P4HA2: variants seen among roughly 807,000 people sequenced by gnomAD.
P4HA2 encodes prolyl 4-hydroxylase subunit alpha 2.
Under a neutral mutation model 76.9 loss-of-function variants are expected in P4HA2, and 46 were observed. The ratio of observed to expected loss-of-function variants is 0.60; its 90% CI spans 0.47 to 0.76. The LOEUF is 0.76. Among genes scored for constraint, P4HA2 ranks in the 30% least tolerant of loss-of-function variants. P4HA2 has a pLI of 0.00. For missense variants in P4HA2, 583 were observed against 669.4 expected (o/e 0.87, Z 1.42); for synonymous variants, 243 against 254.0 (o/e 0.96, Z 0.41).
At chr5:132,196,573 T>C (rs1225791399) in intron 12 of P4HA2, among the ~76,000 whole-genome samples, 1 of 152,138 alleles carries the variant, frequency 6.6e-6, no homozygotes, top group Non-Finnish European at 1.5e-5. Flanking sequence ...ATCTCTCTGA[T>C]GTTTAGGCTG....
rs763236247 is a variant in P4HA2, at chr5:132,217,892, G to A, written c.83-44C>T. On this transcript the variant is annotated intron_variant, in intron 2 of 14. Coordinates refer to ENST00000360568, the MANE Select transcript of P4HA2 (RefSeq NM_001017974.2). ...AGACACCAGTGAGAAACAGATGAGGGATGTCCAGCCTCCTTCCTTGGGGCA... is the reference window on the plus strand; with the variant it reads ...AGACACCAGTGAGAAACAGATGAGGAATGTCCAGCCTCCTTCCTTGGGGCA... 3.3e-6 allele frequency: 4 copies of A among 1,203,276 alleles called. No homozygotes were observed. The South Asian group carries it at 5.2e-5, about 16-fold the overall frequency. The allele number at this position is 1,203,276 out of a possible 1,614,324, so 74.5% of individuals were successfully genotyped here.
At chr5:132,195,192 C>T (rs1750452444) in intron 13 of P4HA2, 170 bp from the exon 14 acceptor site, 1 of 638,864 alleles carries the variant, frequency 1.6e-6, no homozygotes, top group Non-Finnish European at 2.8e-6. Flanking sequence ...AAAGCACCTA[C>T]CTTTCTGAGG....
intron 1 of P4HA2, among the ~76,000 whole-genome samples, chr5:132,223,509 A>G (rs149377148): frequency 9.7e-4 from 148 of 152,226 alleles, no homozygotes; most frequent in African/African-American, 3.4e-3. Flanking sequence ...CAATCCATCC[A>G]TCTCGACCTC....
chr5:132,200,171 C>T (rs152049), intron 10 of P4HA2: 85,455 of 152,154 alleles, frequency 0.56, 24,497 homozygotes, highest in Non-Finnish European at 0.62. Flanking sequence ...CACTGCACTC[C>T]AGCCTGGGCA....
chr5:132,221,601 A>G (rs1190748335), intron 1 of P4HA2, among the ~76,000 whole-genome samples: 1 of 152,240 alleles, frequency 6.6e-6, no homozygotes, highest in Non-Finnish European at 1.5e-5. Context: ...GGAAAAATTA[A>G]TGTATATGTG....
intron 4 of P4HA2, among the ~76,000 whole-genome samples, chr5:132,215,548 G>GCTCA (rs144448968): frequency 0.019 from 2,865 of 152,290 alleles, 96 homozygotes; most frequent in African/African-American, 0.064. Context: ...GCCTGGCTGA[G>GCTCA]CTCACCAATC....
At chr5:132,217,132 C>G in intron 4 of P4HA2, 65 bp downstream of exon 4, 2 of 1,518,680 alleles carry the variant, frequency 1.3e-6, no homozygotes, top group South Asian at 2.4e-5. Context: ...GGCTCAGACA[C>G]AACAACCCAG....
Position 132,195,005 on chromosome 5 carries a change from C to T in P4HA2, c.1452G>A (p.Trp484Ter). ...IWPKKGTAVF[W>*]YNLLRSGEGD... ...CTTCCCCGCTCCGCAAGAGGTTGTACCAGAACACAGCTGTACCCTGGGAAA... is the reference window on the plus strand; with the variant it reads ...CTTCCCCGCTCCGCAAGAGGTTGTATCAGAACACAGCTGTACCCTGGGAAA... Residue 484 changes from tryptophan (W) to a stop codon, truncating the protein, a stop_gained, in exon 14 of 15, where the codon TGG becomes TGA. Transcript: ENST00000360568. LOFTEE classifies it high-confidence loss of function. 4 of 1,611,566 alleles carry T rather than the reference C, an allele frequency of 2.5e-6. No individual in the cohort carries two copies. The highest frequency in any genetic ancestry group is 3.4e-6 in the Non-Finnish European group (4 of 1,177,640).
At chr5:132,197,631 A>AG (rs1362182820) in intron 12 of P4HA2, among the ~76,000 whole-genome samples, 3 of 149,178 alleles carry the variant, frequency 2.0e-5, no homozygotes, top group African/African-American at 7.5e-5. Context: ...AAAAAAAAAA[A>AG]GAAGAAGAAG....
At position 132,217,284 on chromosome 5, in the gene P4HA2, G is replaced by A; in HGVS notation, c.244C>T (p.His82Tyr). ...SAADAEGYLA[H>Y]PVNAYKLVKR... Reference sequence around the variant, plus strand: ...ACCAGTTTGTAGGCATTCACAGGGTGAGCCAGGTAGCCCTCAGCATCAGCA... The same window carrying A: ...ACCAGTTTGTAGGCATTCACAGGGTAAGCCAGGTAGCCCTCAGCATCAGCA... Residue 82 changes from histidine to tyrosine, a missense_variant, in exon 4 of 15, where the codon CAC (histidine) becomes TAC (tyrosine). By Grantham distance (83) the His-to-Tyr change is moderately conservative (BLOSUM62 2). Transcript: ENST00000360568. 6.2e-7 allele frequency: 1 copy of A among 1,614,164 alleles called. No individual in the cohort carries two copies. Among genetic ancestry groups the A allele is most frequent in the Non-Finnish European group, 8.5e-7 (1 of 1,179,978 alleles).
chr5:132,217,261 C>T lies in P4HA2; in HGVS notation c.267G>A (p.Leu89=), dbSNP rs113860089. ...YLAHPVNAYK[L]VKRLNTDWPA... ...GCCAGTCTGTGTTTAGCCGCTTCAC[C>T]AGTTTGTAGGCATTCACAGGGTGAG... The change falls in exon 4 of 15, where the codon CTG becomes CTA. Residue 89 remains leucine, a synonymous_variant. Coordinates refer to ENST00000360568, the MANE Select transcript of P4HA2 (RefSeq NM_001017974.2). 1.2e-6 allele frequency: 2 copies of T among 1,614,064 alleles called. No homozygotes were observed.
chr5:132,194,621 C>T (rs1228696104), intron 14 of P4HA2, among the ~76,000 whole-genome samples: 1 of 152,208 alleles, frequency 6.6e-6, no homozygotes, highest in African/African-American at 2.4e-5. Context: ...GCTTCCAGCT[C>T]TCCACTCTGC....
chr5:132,215,849 TTAAAA>T (rs1300208341), intron 4 of P4HA2, among the ~76,000 whole-genome samples: 10 of 51,250 alleles, frequency 2.0e-4, no homozygotes, highest in African/African-American at 6.7e-4. Context: ...CCCTGTCCCT[TTAAAA>T]AAAAAAAAAA....
intron 3 of P4HA2, 36 bp from the exon 4 acceptor site, chr5:132,217,384 C>T: frequency 6.2e-7 from 1 of 1,609,384 alleles, no homozygotes; most frequent in Non-Finnish European, 8.5e-7. Context: ...CTAATGCGTC[C>T]ACCCACATAG....
Position 132,198,355 on chromosome 5 carries a change from G to C in P4HA2, c.1331C>G (p.Thr444Arg). Residue 444 changes from threonine (T) to arginine (R), a missense_variant, in exon 12 of 15, where the codon ACA becomes AGA. Thr to Arg is a moderately conservative substitution (Grantham distance 71, BLOSUM62 -1). Transcript: ENST00000360568. ...AAACGTCGCTAACCTATTCCCCTCTGTTTTGAGGCCGCTGTCAAAAGGTCG... is the reference window on the plus strand; with the variant it reads ...AAACGTCGCTAACCTATTCCCCTCTCTTTTGAGGCCGCTGTCAAAAGGTCG... ...SRRPFDSGLK[T>R]EGNRLATFLN... is the part of the protein sequence containing the mutation. 1 of 1,613,798 alleles carries C rather than the reference G, an allele frequency of 6.2e-7. No individual in the cohort carries two copies. The highest frequency in any genetic ancestry group is 8.5e-7 in the Non-Finnish European group (1 of 1,180,030).
intron 1 of P4HA2, among the ~76,000 whole-genome samples, chr5:132,224,630 T>C (rs1050930281): frequency 6.6e-6 from 1 of 152,214 alleles, no homozygotes; most frequent in Non-Finnish European, 1.5e-5. Flanking sequence ...AGGTATAATG[T>C]AGTACATTGA....
At chr5:132,194,786 A>G (rs1377558445) in intron 14 of P4HA2, 140 bp downstream of exon 14, 6 of 697,680 alleles carry the variant, frequency 8.6e-6, no homozygotes, top group Non-Finnish European at 1.6e-5. Context: ...CTGGATGGTA[A>G]TAACAGCAGA....
chr5:132,203,557 T>C (rs1561472259), intron 10 of P4HA2, 191 bp downstream of exon 10: 3 of 590,054 alleles, frequency 5.1e-6, no homozygotes, highest in Non-Finnish European at 9.1e-6. Context: ...TAGATATTTG[T>C]TGAACACTAA....
chr5:132,204,495 C>CCCTGCCTGAGCACAG (rs1359032732), intron 8 of P4HA2, among the ~76,000 whole-genome samples: 16 of 152,206 alleles, frequency 1.1e-4, no homozygotes, highest in Non-Finnish European at 2.9e-5. Flanking sequence ...CACATACCAC[C>CCCTGCCTGAGCACAG]CCTGCCTGAG....
Sources: gnomAD v4.1 joint callset for allele counts (sites outside exome capture counted in the v4.1 genomes callset) on GRCh38, gnomAD v4.1.1 for gene constraint, MANE v1.5 for transcripts, NCBI Gene and HGNC (gene_info 2026-07-23, HGNC 2026-07-21) for gene names.